Variants in PTPRN2 observed in about 807,000 individuals in gnomAD.
PTPRN2 encodes the protein protein tyrosine phosphatase receptor type N2.
A neutral mutation model predicts 118.8 loss-of-function variants in PTPRN2; 74 were observed. That is an observed-to-expected ratio of 0.62 (90% CI 0.52 to 0.76). PTPRN2 has a LOEUF of 0.76. Ranked by LOEUF, PTPRN2 falls within the 30% of genes least tolerant of loss-of-function variation. PTPRN2 has a pLI of 0.00. For synonymous variants in PTPRN2, 641 were observed against 608.0 expected, an observed-to-expected ratio of 1.05 and a Z score of -0.80; for missense variants, 1,481 against 1,394.4, an observed-to-expected ratio of 1.06 and a Z score of -0.99.
At chr7:158,258,418 ATTTAATTTAAATTT>A in intron 3 of PTPRN2, among the ~76,000 whole-genome samples, 1 of 151,900 alleles carries the variant, frequency 6.6e-6, no homozygotes, top group Admixed American at 6.6e-5. Context: ...TGTTGTCTGC[ATTTAATTTAAATTT>A]CTATGAATCG....
At chr7:158,319,419 CACACACACACACACACAGCCT>C in intron 2 of PTPRN2, among the ~76,000 whole-genome samples, 1 of 61,288 alleles carries the variant, frequency 1.6e-5, no homozygotes, top group African/African-American at 8.5e-5. Flanking sequence ...CACAGCCTCC[CACACACACACACACACAGCCT>C]CCCTCACACA....
At chr7:157,573,360 C>A (rs887926381) in intron 19 of PTPRN2, among the ~76,000 whole-genome samples, 1 of 152,272 alleles carries the variant, frequency 6.6e-6, no homozygotes, top group Non-Finnish European at 1.5e-5. Flanking sequence ...ATGGCTCAGC[C>A]TCTGAATCTT....
intron 11 of PTPRN2, among the ~76,000 whole-genome samples, chr7:158,052,406 G>A (rs1809395723): frequency 6.6e-6 from 1 of 152,240 alleles, no homozygotes; most frequent in Non-Finnish European, 1.5e-5. Flanking sequence ...GGTTCTGTGG[G>A]TTATTGGGGG....
intron 3 of PTPRN2, among the ~76,000 whole-genome samples, chr7:158,270,928 C>G (rs1238143638): frequency 1.0e-4 from 7 of 66,878 alleles, no homozygotes; most frequent in African/African-American, 4.1e-4. Context: ...GGACCACCCC[C>G]CCCACCTGGA....
At position 157,800,723 on chromosome 7, in the gene PTPRN2, C is replaced by T. The variant is rs369143633; in HGVS notation, c.1788+97950G>A. ...ATCCCAGCACTTTGGGAGGCCGAGG[C>T]GGGCGGATCACGAGGTCAGGAGATC... On this transcript the variant is annotated intron_variant, in intron 12 of 22. Coordinates refer to ENST00000389418, the MANE Select transcript of PTPRN2 (RefSeq NM_002847.5). Among the ~76,000 whole-genome samples the T allele has an allele frequency of 6.6e-5, 10 of 150,718 alleles. No homozygotes were observed. In the East Asian group the frequency reaches 7.7e-4, roughly 12 times the overall value.
At chr7:157,894,198 G>A (rs141037493) in intron 12 of PTPRN2, among the ~76,000 whole-genome samples, 2 of 152,212 alleles carry the variant, frequency 1.3e-5, no homozygotes, top group Non-Finnish European at 2.9e-5. Flanking sequence ...AACTCTGAGG[G>A]GCACAAAGCC....
At chr7:157,652,205 G>A (rs989661795) in intron 14 of PTPRN2, among the ~76,000 whole-genome samples, 3 of 152,202 alleles carry the variant, frequency 2.0e-5, no homozygotes, top group Admixed American at 6.5e-5. Context: ...AGGCCCAGAG[G>A]CCCAAACCCT....
chr7:157,848,297 C>T (rs935661296), intron 12 of PTPRN2, among the ~76,000 whole-genome samples: 2 of 149,946 alleles, frequency 1.3e-5, no homozygotes, highest in Admixed American at 1.3e-4. Flanking sequence ...CTCATTACAT[C>T]GTGTGTGCCT....
At chr7:157,823,462 G>T (rs1806976622) in intron 12 of PTPRN2, among the ~76,000 whole-genome samples, 1 of 152,206 alleles carries the variant, frequency 6.6e-6, no homozygotes, top group African/African-American at 2.4e-5. Flanking sequence ...TACAATCAGT[G>T]AATCACTAAT....
At chr7:157,866,587 A>G (rs1003937480) in intron 12 of PTPRN2, among the ~76,000 whole-genome samples, 26 of 152,040 alleles carry the variant, frequency 1.7e-4, no homozygotes, top group African/African-American at 6.3e-4. Flanking sequence ...ACACGTCCAT[A>G]GAGGTGGAGC....
chr7:157,664,913 T>G (rs1458516588), intron 13 of PTPRN2, among the ~76,000 whole-genome samples: 1 of 152,240 alleles, frequency 6.6e-6, no homozygotes, highest in African/African-American at 2.4e-5. Context: ...TTTATAATCC[T>G]CGGTAAACAC....
rs78978471 is a variant in PTPRN2, at chr7:158,226,258, A to G, written c.278-20985T>C. On this transcript the variant is annotated intron_variant, in intron 3 of 22. Coordinates refer to ENST00000389418, the MANE Select transcript of PTPRN2 (RefSeq NM_002847.5). ...AGAGAGATGATAAGGTTGTAAACTC[A>G]GAGAACACTAGTGTGGATAGTTTGA... Among the ~76,000 whole-genome samples the G allele has an allele frequency of 0.011, 1,645 of 152,328 alleles. 87 individuals carry two copies. The East Asian group carries it at 0.17, about 16-fold the overall frequency.
intron 12 of PTPRN2, among the ~76,000 whole-genome samples, chr7:157,879,480 T>A (rs1206589812): frequency 2.0e-5 from 3 of 152,360 alleles, no homozygotes; most frequent in East Asian, 1.9e-4. Context: ...ACATATTTCA[T>A]TAAGCTCCAT....
chr7:158,327,539 A>C (rs898234993), intron 2 of PTPRN2, among the ~76,000 whole-genome samples: 2 of 151,748 alleles, frequency 1.3e-5, no homozygotes, highest in Non-Finnish European at 2.9e-5. Context: ...ATGCACATGT[A>C]CACACTATCT....
At chr7:158,151,042 C>T (rs1315965434) in intron 6 of PTPRN2, among the ~76,000 whole-genome samples, 1 of 151,698 alleles carries the variant, frequency 6.6e-6, no homozygotes, top group Non-Finnish European at 1.5e-5. Context: ...ACTGTCCTGC[C>T]CCTGCCTGCC....
chr7:157,909,261 A>G (rs1797946217), intron 11 of PTPRN2, among the ~76,000 whole-genome samples: 1 of 152,254 alleles, frequency 6.6e-6, no homozygotes, highest in Admixed American at 6.5e-5. Flanking sequence ...CAAAGTATGA[A>G]GCATTTTTTT....
intron 11 of PTPRN2, among the ~76,000 whole-genome samples, chr7:157,900,089 A>C (rs1199518739): frequency 6.6e-6 from 1 of 152,252 alleles, no homozygotes; most frequent in Non-Finnish European, 1.5e-5. Context: ...TCACTGCTGC[A>C]GAACGGTCAC....
At chr7:157,894,810 T>C (rs1452609630) in intron 12 of PTPRN2, among the ~76,000 whole-genome samples, 1 of 151,952 alleles carries the variant, frequency 6.6e-6, no homozygotes, top group Non-Finnish European at 1.5e-5. Flanking sequence ...GCTGGGGAAG[T>C]GGGGAGGGGG....
chr7:157,839,547 C>T (rs10271247), intron 12 of PTPRN2, among the ~76,000 whole-genome samples: 1 of 150,608 alleles, frequency 6.6e-6, no homozygotes, highest in Admixed American at 6.6e-5. Context: ...CTCTGTGTGT[C>T]TGTGTGTGTG....
Sources: allele counts gnomAD v4.1 joint callset (sites outside exome capture counted in the v4.1 genomes callset), GRCh38; gene constraint gnomAD v4.1.1; transcripts MANE v1.5; gene names NCBI Gene and HGNC (gene_info 2026-07-23, HGNC 2026-07-21).